VRK1: variants seen among roughly 807,000 people sequenced by gnomAD.
The protein encoded by VRK1 is VRK serine/threonine kinase 1, also known as serine/threonine-protein kinase VRK1.
In VRK1, 33 loss-of-function variants were observed where a neutral mutation model predicts 57.1. The ratio of observed to expected loss-of-function variants is 0.58; its 90% CI spans 0.44 to 0.77. The LOEUF (loss-of-function observed/expected upper bound fraction) is 0.77, where lower values mean the gene tolerates loss of function less well. Among genes scored for constraint, VRK1 ranks in the 30% least tolerant of loss-of-function variants. The pLI is 0.00. For synonymous variants in VRK1, 137 were observed against 147.8 expected (o/e 0.93, Z 0.53); for missense variants, 413 against 477.3 (o/e 0.87, Z 1.25).
In VRK1 at chr14:96,837,882, C is replaced by A. The variant is rs184069514; in HGVS notation, c.216+65C>A. The A allele has an allele frequency of 8.6e-6, 10 of 1,165,242 alleles. No homozygotes were observed. In the Admixed American group the frequency reaches 2.5e-4, roughly 29 times the overall value. 72.2% of individuals were successfully genotyped at this position (1,165,242 alleles called of 1,614,324 possible). On this transcript the variant is annotated intron_variant, in intron 3 of 12. Coordinates refer to ENST00000216639, the MANE Select transcript of VRK1 (RefSeq NM_003384.3). The stretch of plus-strand genomic sequence containing the variant: ...TTTGGTGTAGTATTTTGTAAAATGC[C>A]TTTTTTGATTAACTAGAATTAATTA...
At chr14:96,815,056 A>G (rs1886340960) in intron 1 of VRK1, among the ~76,000 whole-genome samples, 1 of 152,212 alleles carries the variant, frequency 6.6e-6, no homozygotes, top group Non-Finnish European at 1.5e-5. Context: ...TTTGTGAGCA[A>G]AAGGGAGTAT....
chr14:96,876,114 CA>C lies in VRK1; in HGVS notation c.1154del (p.Gln385ArgfsTer42), dbSNP rs1889021338. ...WSNTQTEEAI[Q>X]TRSRTRKRVQ... Reference sequence around the variant, plus strand: ...AAACACACAGACAGAGGAGGCCATACAGACCCGTAAGTTGAACAGTTTTGCC... The same window carrying C: ...AAACACACAGACAGAGGAGGCCATACGACCCGTAAGTTGAACAGTTTTGCC... On this transcript the variant is annotated frameshift_variant, in exon 12 of 13. Transcript: ENST00000216639. LOFTEE classifies it high-confidence loss of function. 6.2e-7 allele frequency: 1 copy of C among 1,613,374 alleles called. No individual in the cohort carries two copies. Among genetic ancestry groups the C allele is most frequent in the African/African-American group, 1.3e-5 (1 of 74,902 alleles).
At chr14:96,859,830 G>A (rs144070035) in intron 10 of VRK1, among the ~76,000 whole-genome samples, 12 of 152,256 alleles carry the variant, frequency 7.9e-5, no homozygotes, top group African/African-American at 2.2e-4. Flanking sequence ...GAGTTTAGAC[G>A]TGGGTTTGTT....
intron 10 of VRK1, among the ~76,000 whole-genome samples, chr14:96,858,558 G>T (rs1471478118): frequency 6.6e-6 from 1 of 152,144 alleles, no homozygotes; most frequent in African/African-American, 2.4e-5. Flanking sequence ...CCTGCAGTTG[G>T]TTTTTGGGTA....
chr14:96,851,571 T>C (rs1887952056), intron 5 of VRK1, among the ~76,000 whole-genome samples: 1 of 152,250 alleles, frequency 6.6e-6, no homozygotes, highest in African/African-American at 2.4e-5. Flanking sequence ...AATAGAATTC[T>C]GAGTTACTTG....
At chr14:96,838,958 A>G (rs980916702) in intron 3 of VRK1, among the ~76,000 whole-genome samples, 2 of 152,156 alleles carry the variant, frequency 1.3e-5, no homozygotes, top group African/African-American at 4.8e-5. Context: ...TGACAAGCAC[A>G]TATACCTGTG....
intron 10 of VRK1, among the ~76,000 whole-genome samples, chr14:96,857,806 A>G (rs562879040): frequency 6.8e-4 from 104 of 152,270 alleles, no homozygotes; most frequent in South Asian, 1.5e-3. Flanking sequence ...AATAAATACA[A>G]TGTGGGTTTC....
intron 7 of VRK1, among the ~76,000 whole-genome samples, chr14:96,853,649 ATT>A (rs58517994): frequency 6.7e-6 from 1 of 148,804 alleles, no homozygotes. Flanking sequence ...TCAAATGTGC[ATT>A]TTTTTTTTAG....
intron 5 of VRK1, among the ~76,000 whole-genome samples, chr14:96,848,105 A>G (rs568073520): frequency 2.6e-5 from 4 of 152,180 alleles, no homozygotes; most frequent in Non-Finnish European, 5.9e-5. Context: ...GTAAAGGAAA[A>G]CTTTGACTCA....
At chr14:96,867,200 A>G (rs190748311) in intron 11 of VRK1, among the ~76,000 whole-genome samples, 149 of 152,186 alleles carry the variant, frequency 9.8e-4, no homozygotes, top group South Asian at 4.1e-3. Flanking sequence ...GTTTCAGAGT[A>G]TATGCTCAAT....
intron 1 of VRK1, among the ~76,000 whole-genome samples, chr14:96,831,457 G>A (rs1413714332): frequency 6.6e-6 from 1 of 152,182 alleles, no homozygotes; most frequent in Non-Finnish European, 1.5e-5. Context: ...ACGCTGTTCT[G>A]TGGGACTATT....
intron 3 of VRK1, among the ~76,000 whole-genome samples, chr14:96,844,723 G>A (rs1887606641): frequency 6.6e-6 from 1 of 152,090 alleles, no homozygotes; most frequent in African/African-American, 2.4e-5. Context: ...TGTATTTTTA[G>A]TAGAGATGGG....
At chr14:96,816,487 C>T (rs1358462427) in intron 1 of VRK1, among the ~76,000 whole-genome samples, 1 of 152,160 alleles carries the variant, frequency 6.6e-6, no homozygotes, top group East Asian at 1.9e-4. Flanking sequence ...TCTTTAGACC[C>T]TCCCCCAAAT....
chr14:96,804,657 A>AAAATGGTATGATAG (rs1885799263), intron 1 of VRK1, among the ~76,000 whole-genome samples: 1 of 152,210 alleles, frequency 6.6e-6, no homozygotes, highest in South Asian at 2.1e-4. Flanking sequence ...CTTAATCAGG[A>AAAATGGTATGATAG]AAATGGTATG....
chr14:96,805,474 T>G (rs1251033195), intron 1 of VRK1, among the ~76,000 whole-genome samples: 1 of 152,220 alleles, frequency 6.6e-6, no homozygotes, highest in Non-Finnish European at 1.5e-5. Flanking sequence ...TAGTGCCTAC[T>G]TCAGTTGTTA....
At chr14:96,837,667 G>T in intron 2 of VRK1, 95 bp from the exon 3 acceptor site, 1 of 668,314 alleles carries the variant, frequency 1.5e-6, no homozygotes. Flanking sequence ...GAACTGAAGT[G>T]TATTCTATCA....
At chr14:96,863,544 C>CA (rs2139820873) in intron 11 of VRK1, among the ~76,000 whole-genome samples, 1 of 152,176 alleles carries the variant, frequency 6.6e-6, no homozygotes, top group East Asian at 1.9e-4. Flanking sequence ...CCTAAGTCAA[C>CA]AAAAAGGGTT....
intron 1 of VRK1, among the ~76,000 whole-genome samples, chr14:96,829,737 AT>A (rs1249453224): frequency 2.0e-5 from 3 of 152,066 alleles, no homozygotes; most frequent in Non-Finnish European, 2.9e-5. Flanking sequence ...ATGTTATCCC[AT>A]TTTTTGATAG....
intron 1 of VRK1, among the ~76,000 whole-genome samples, chr14:96,808,919 A>G (rs12878184): frequency 0.54 from 81,962 of 151,942 alleles, 22,985 homozygotes; most frequent in African/African-American, 0.66. Flanking sequence ...ACTGCCCTAC[A>G]ATGCTTGGGG....
Sources: allele counts gnomAD v4.1 joint callset (sites outside exome capture counted in the v4.1 genomes callset), GRCh38; gene constraint gnomAD v4.1.1; transcripts MANE v1.5; gene names NCBI Gene and HGNC (gene_info 2026-07-23, HGNC 2026-07-21).